Variants in CCN4 observed in about 807,000 individuals in gnomAD.
CCN4 encodes CCN family member 4.
CCN4 carries 30 observed loss-of-function variants against 36.7 expected under a neutral mutation model. That is an observed-to-expected ratio of 0.82 (90% CI 0.61 to 1.11). The LOEUF (loss-of-function observed/expected upper bound fraction) is 1.11, where lower values mean the gene tolerates loss of function less well. Ranked by LOEUF, CCN4 falls within the 50% of genes least tolerant of loss-of-function variation. The pLI is 0.00. For missense variants in CCN4, 505 were observed against 504.9 expected, an observed-to-expected ratio of 1.00 and a Z score of 0.00; for synonymous variants, 191 against 195.4, an observed-to-expected ratio of 0.98 and a Z score of 0.19.
chr8:133,205,528 G>A (rs1460142068), intron 1 of CCN4, among the ~76,000 whole-genome samples: 2 of 152,182 alleles, frequency 1.3e-5, no homozygotes, highest in African/African-American at 4.8e-5. Context: ...TCCATCTGCA[G>A]AACAGGCCCA....
chr8:133,214,507 G>GGTTGTTGTT (rs376862240), intron 2 of CCN4, among the ~76,000 whole-genome samples: 3,509 of 151,538 alleles, frequency 0.023, 143 homozygotes, highest in African/African-American at 0.079. Flanking sequence ...GTTTGGAGGT[G>GGTTGTTGTT]GTTGTTGTTG....
At position 133,213,148 on chromosome 8, in the gene CCN4, G is replaced by A; in HGVS notation, c.349+5G>A. 8 of 1,445,688 alleles carry A rather than the reference G, an allele frequency of 5.5e-6. No homozygotes were observed. The highest frequency in any genetic ancestry group is 7.3e-6 in the Non-Finnish European group (8 of 1,098,812). The allele number at this position is 1,445,688 out of a possible 1,614,324, so 89.6% of individuals were successfully genotyped here. On this transcript the variant is annotated splice_donor_5th_base_variant and intron_variant, in intron 2 of 4. Transcript: ENST00000250160. Reference sequence around the variant, plus strand: ...ACGCAATAGGAGTGTGTGCACGTAAGTGAGTCCTCCATACCTTCTGACCAG... The same window carrying A: ...ACGCAATAGGAGTGTGTGCACGTAAATGAGTCCTCCATACCTTCTGACCAG...
At chr8:133,207,310 G>A (rs1381640201) in intron 1 of CCN4, among the ~76,000 whole-genome samples, 6 of 152,218 alleles carry the variant, frequency 3.9e-5, no homozygotes, top group African/African-American at 7.2e-5. Flanking sequence ...GCAGTGGGCC[G>A]TTATCAGCTC....
rs913296579 is a variant in CCN4 at position 133,215,611 on chromosome 8, C to A, written c.349+2468C>A. ...CCTTCCCCACCGGTGGCCTGGAAAA[C>A]CCCCTTCCCTGTCCTCCTCACCCCC... On this transcript the variant is annotated intron_variant, in intron 2 of 4. Transcript: ENST00000250160. Among the ~76,000 whole-genome samples the A allele has an allele frequency of 1.2e-4, 19 of 152,076 alleles. No homozygotes were observed. The East Asian group carries it at 1.7e-3, about 14-fold the overall frequency.
At chr8:133,226,724 G>A (rs1357900890) in intron 4 of CCN4, among the ~76,000 whole-genome samples, 3 of 152,068 alleles carry the variant, frequency 2.0e-5, no homozygotes, top group African/African-American at 7.2e-5. Context: ...CCCTCAGAGG[G>A]TTTCCCAAAT....
In CCN4 at chr8:133,209,905, T is replaced by C. The variant is rs112258242; in HGVS notation, c.70-2959T>C. On this transcript the variant is annotated intron_variant, in intron 1 of 4. Coordinates refer to ENST00000250160, the MANE Select transcript of CCN4 (RefSeq NM_003882.4). ...AGTGTGATTGTGCCCATATCACAGA[T>C]GGGAATGCTGAGGCTCAGAAAGATG... Among the ~76,000 whole-genome samples the C allele has an allele frequency of 2.2e-3, 331 of 152,222 alleles. 1 individual carries two copies. The highest frequency in any genetic ancestry group is 7.7e-3 in the African/African-American group (322 of 41,550).
At chr8:133,225,676 G>A in intron 4 of CCN4, 93 bp downstream of exon 4, 2 of 1,303,950 alleles carry the variant, frequency 1.5e-6, no homozygotes, top group Non-Finnish European at 2.0e-6. Context: ...GGGAGCATTT[G>A]TAAAGTGGGA....
At chr8:133,217,935 T>A (rs1854380791) in intron 2 of CCN4, among the ~76,000 whole-genome samples, 2 of 18,838 alleles carry the variant, frequency 1.1e-4, no homozygotes, top group African/African-American at 3.9e-4. Flanking sequence ...CACTCCCTTC[T>A]CCACACACAC....
chr8:133,199,625 G>A (rs563357895), intron 1 of CCN4, among the ~76,000 whole-genome samples: 9 of 152,282 alleles, frequency 5.9e-5, no homozygotes, highest in East Asian at 1.9e-4. Context: ...TGGCAGGCGC[G>A]CGTGGAGTGA....
intron 1 of CCN4, among the ~76,000 whole-genome samples, chr8:133,201,730 C>G (rs1853593022): frequency 6.6e-6 from 1 of 152,104 alleles, no homozygotes; most frequent in African/African-American, 2.4e-5. Flanking sequence ...GTAATCCCAG[C>G]TACTCGGGAG....
In CCN4 at chr8:133,191,093, G is replaced by C. The variant is rs116716037; in HGVS notation, c.-52G>C. The C allele has an allele frequency of 4.3e-4, 680 of 1,594,782 alleles. 3 individuals are homozygous for C. The African/African-American group carries it at 8.0e-3, about 19-fold the overall frequency. ...TCTGGGCCCAGCTCCCCCGAGAGGT[G>C]GTCGGATCCTCTGGGCTGCTCGGTC... On this transcript the variant is annotated 5_prime_UTR_variant, in exon 1 of 5. Coordinates refer to ENST00000250160, the MANE Select transcript of CCN4 (RefSeq NM_003882.4).
chr8:133,225,470 G>A lies in CCN4; in HGVS notation c.691G>A (p.Gly231Ser), dbSNP rs139602125. 2.2e-4 allele frequency: 352 copies of A among 1,613,960 alleles called. No homozygotes were observed. Among genetic ancestry groups the A allele is most frequent in the Non-Finnish European group, 2.8e-4 (326 of 1,179,996 alleles). The change falls in exon 4 of 5, where the codon GGC (glycine) becomes AGC (serine). Residue 231 changes from glycine to serine, a missense_variant. Coordinates refer to ENST00000250160, the MANE Select transcript of CCN4 (RefSeq NM_003882.4). ...SPWSPCSTSC[G>S]LGVSTRISNV... Reference sequence around the variant, plus strand: ...CTGGAGCCCTTGCTCCACCAGCTGCGGCCTGGGGGTCTCCACTCGGATCTC... The same window carrying A: ...CTGGAGCCCTTGCTCCACCAGCTGCAGCCTGGGGGTCTCCACTCGGATCTC...
chr8:133,195,144 GGT>G (rs920061129), intron 1 of CCN4, among the ~76,000 whole-genome samples: 6 of 147,462 alleles, frequency 4.1e-5, no homozygotes, highest in East Asian at 2.0e-4. Context: ...GCATGTTTGT[GGT>G]GTGTGTGTGT....
intron 1 of CCN4, among the ~76,000 whole-genome samples, chr8:133,194,704 G>A (rs1355690909): frequency 5.1e-5 from 6 of 116,630 alleles, no homozygotes; most frequent in African/African-American, 1.3e-4. Flanking sequence ...TGGAGGGTGT[G>A]TGTGGTGTGT....
intron 1 of CCN4, among the ~76,000 whole-genome samples, chr8:133,211,550 G>A (rs1040650694): frequency 6.6e-6 from 1 of 152,214 alleles, no homozygotes; most frequent in Non-Finnish European, 1.5e-5. Flanking sequence ...CTGTAAAGGA[G>A]GAAAGAATTT....
At chr8:133,202,442 T>C (rs955593499) in intron 1 of CCN4, among the ~76,000 whole-genome samples, 7 of 152,180 alleles carry the variant, frequency 4.6e-5, no homozygotes, top group South Asian at 2.1e-4. Flanking sequence ...AGATGCTTTA[T>C]ATACAGATTG....
intron 2 of CCN4, among the ~76,000 whole-genome samples, chr8:133,219,071 A>G (rs573312393): frequency 6.6e-6 from 1 of 152,094 alleles, no homozygotes; most frequent in Non-Finnish European, 1.5e-5. Flanking sequence ...GTGGTCCCCC[A>G]TGCTACCTTT....
rs1267818315 is a variant in CCN4, at chr8:133,229,596, G to T, written c.*1886G>T. 3 of 152,182 alleles carry T rather than the reference G, an allele frequency of 2.0e-5. No individual in the cohort carries two copies. The highest frequency in any genetic ancestry group is 7.2e-5 in the African/African-American group (3 of 41,448). The allele number at this position is 152,182 out of a possible 1,614,324, so 9.4% of individuals were successfully genotyped here. On this transcript the variant is annotated 3_prime_UTR_variant, in exon 5 of 5. Coordinates refer to ENST00000250160, the MANE Select transcript of CCN4 (RefSeq NM_003882.4). ...AGTGTGCAGAGAGATTCCTAAACGG[G>T]AAAAGGACTGGGAATACATCCTCCT... is the stretch of plus-strand genomic sequence containing the variant.
intron 2 of CCN4, among the ~76,000 whole-genome samples, chr8:133,217,073 C>T (rs1036586745): frequency 4.6e-5 from 7 of 152,166 alleles, no homozygotes; most frequent in South Asian, 2.1e-4. Context: ...TGACTTTAGG[C>T]GAACTACTTA....
Sources: allele counts gnomAD v4.1 joint callset (sites outside exome capture counted in the v4.1 genomes callset), GRCh38; gene constraint gnomAD v4.1.1; transcripts MANE v1.5; gene names NCBI Gene and HGNC (gene_info 2026-07-23, HGNC 2026-07-21).